The following FBLN1 variants were observed in gnomAD, a reference collection of about 807,000 sequenced individuals.
The protein encoded by FBLN1 is fibulin-1.
Under a neutral mutation model 89.7 loss-of-function variants are expected in FBLN1, and 34 were observed. That is an observed-to-expected ratio of 0.38 (90% CI 0.29 to 0.50). The LOEUF is 0.50. Ranked by LOEUF, FBLN1 falls within the 20% of genes least tolerant of loss-of-function variation. FBLN1 has a pLI of 0.92. For missense variants in FBLN1, 777 were observed against 988.1 expected, an observed-to-expected ratio of 0.79 and a Z score of 2.86; for synonymous variants, 393 against 391.3, an observed-to-expected ratio of 1.00 and a Z score of -0.05.
rs929108 is a variant in FBLN1, at chr22:45,532,325, C to T, written c.545-738C>T. Among the ~76,000 whole-genome samples the T allele has an allele frequency of 0.19, 29,034 of 152,052 alleles. 3,068 individuals are homozygous for T. The highest frequency in any genetic ancestry group is 0.28 in the South Asian group (1,353 of 4,800). ...ATTAGCTGGGAAAATAACCCTGAAACGGTCCTCAGGGAGACCTGAAGCCTT... is the reference window on the plus strand; with the variant it reads ...ATTAGCTGGGAAAATAACCCTGAAATGGTCCTCAGGGAGACCTGAAGCCTT... On this transcript the variant is annotated intron_variant, in intron 5 of 16. Coordinates refer to ENST00000327858, the MANE Select transcript of FBLN1 (RefSeq NM_006486.3). This position sits in a 1 kb window ranked among gnomAD's most constrained non-coding sequence, Gnocchi z 4.2.
At chr22:45,541,613 G>C (rs1018745981) in intron 9 of FBLN1, among the ~76,000 whole-genome samples, 2 of 152,118 alleles carry the variant, frequency 1.3e-5, no homozygotes, top group African/African-American at 4.8e-5. Flanking sequence ...ACCCCACCCT[G>C]TTTACAGTTC....
intron 2 of FBLN1, 31 bp downstream of exon 2, chr22:45,518,818 G>A (rs1413802143): frequency 1.9e-6 from 3 of 1,538,652 alleles, no homozygotes; most frequent in Non-Finnish European, 2.7e-6. Flanking sequence ...TGTTTCACTG[G>A]AACAATGTTC....
intron 14 of FBLN1, among the ~76,000 whole-genome samples, chr22:45,554,600 T>A (rs1427877396): frequency 6.6e-6 from 1 of 152,152 alleles, no homozygotes; most frequent in South Asian, 2.1e-4. Flanking sequence ...GATAAATGCC[T>A]CAAGCAAGTC....
chr22:45,600,435 T>G lies in FBLN1; in HGVS notation c.2101T>G (p.Tyr701Asp). 1 of 1,614,122 alleles carries G rather than the reference T, an allele frequency of 6.2e-7. No individual in the cohort carries two copies. Residue 701 changes from tyrosine to aspartate, a missense_variant, in exon 17 of 17, where the codon TAC becomes GAC. Tyr to Asp is a radical substitution (Grantham distance 160). Coordinates refer to ENST00000327858, the MANE Select transcript of FBLN1 (RefSeq NM_006486.3). ...CAACGTCCACATCTTCGTCTCTGAG[T>G]ACTGGTTCTGAGGGCTGGTCTGCCG... The part of the protein sequence containing the change: ...VVNVHIFVSE[Y>D]WF
At position 45,527,831 on chromosome 22, in the gene FBLN1, C is replaced by T. The variant is rs1452296525; in HGVS notation, c.322-16C>T. ...CTGCCCGCTCCTCCATCTGGGATCTCCACCTGTGTTTGCAGAGGTGCTGCC... is the reference window on the plus strand; with the variant it reads ...CTGCCCGCTCCTCCATCTGGGATCTTCACCTGTGTTTGCAGAGGTGCTGCC... On this transcript the variant is annotated splice_polypyrimidine_tract_variant and intron_variant, in intron 3 of 16. Coordinates refer to ENST00000327858, the MANE Select transcript of FBLN1 (RefSeq NM_006486.3). The T allele has an allele frequency of 1.2e-6, 2 of 1,613,256 alleles. No individual in the cohort carries two copies. The highest frequency in any genetic ancestry group is 2.7e-5 in the African/African-American group (2 of 74,894).
Position 45,550,399 on chromosome 22 carries a change from C to G in FBLN1, c.1574-93C>G. On this transcript the variant is annotated intron_variant, in intron 13 of 16. Transcript: ENST00000327858. The surrounding 1 kb of genome is among the most constrained non-coding windows in gnomAD (Gnocchi z 8.4). ...GATGGCCTGATCGCCACCCCTAACC[C>G]TAGTTGATGGGAGGCCTGGGCTCCT... 6.3e-7 allele frequency: 1 copy of G among 1,588,266 alleles called. No individual in the cohort carries two copies. The highest frequency in any genetic ancestry group is 2.2e-5 in the East Asian group (1 of 44,746).
At position 45,569,642 on chromosome 22, in the gene FBLN1, A is replaced by AAAGAAGAAGAAGAAGAAG. The variant is rs56907104; in HGVS notation, c.1698-4846_1698-4829dup. ...TGACAGGGCAAGACTCTGTCTCAAA[A>AAAGAAGAAGAAGAAGAAG]AAGAAGAAGAAGAAGAAGAAGAAGA... On this transcript the variant is annotated intron_variant, in intron 14 of 16. Transcript: ENST00000327858. 4.3e-4 allele frequency among the ~76,000 whole-genome samples: 65 copies of AAAGAAGAAGAAGAAGAAG among 149,858 alleles called. No homozygotes were observed. The Middle Eastern group carries it at 0.01, about 24-fold the overall frequency.
intron 1 of FBLN1, among the ~76,000 whole-genome samples, chr22:45,503,974 C>T (rs1263067653): frequency 6.6e-6 from 1 of 152,142 alleles, no homozygotes; most frequent in Non-Finnish European, 1.5e-5. Flanking sequence ...GAGCTATGAC[C>T]TGTGACCTCT....
chr22:45,539,694 G>C (rs572027969), intron 8 of FBLN1, among the ~76,000 whole-genome samples: 4 of 152,370 alleles, frequency 2.6e-5, no homozygotes, highest in Admixed American at 2.6e-4. Context: ...GAGAGGGAGA[G>C]ATCGGGTGCC....
intron 16 of FBLN1, among the ~76,000 whole-genome samples, chr22:45,585,293 T>TC (rs2146656354): frequency 6.6e-6 from 1 of 152,270 alleles, no homozygotes; most frequent in South Asian, 2.1e-4. Context: ...GCTGTACCTC[T>TC]CCCCCTGGCC....
intron 2 of FBLN1, among the ~76,000 whole-genome samples, chr22:45,521,169 C>T (rs959580650): frequency 2.0e-5 from 3 of 151,900 alleles, no homozygotes; most frequent in Non-Finnish European, 4.4e-5. Context: ...AACACATTGC[C>T]TTCTTAGAAA....
chr22:45,548,620 C>T lies in FBLN1; in HGVS notation c.1449C>T (p.Asp483=), dbSNP rs553677396. Residue 483 remains aspartate, a synonymous_variant, in exon 13 of 17, where the codon GAC becomes GAT. Coordinates refer to ENST00000327858, the MANE Select transcript of FBLN1 (RefSeq NM_006486.3). ...DVDGVTCEDI[D]ECALPTGGHI... ...TGGGCTTTGCCGTTGCAGACATCGACGAGTGCGCCCTGCCCACCGGGGGCC... is the reference window on the plus strand; with the variant it reads ...TGGGCTTTGCCGTTGCAGACATCGATGAGTGCGCCCTGCCCACCGGGGGCC... 42 of 1,613,650 alleles carry T rather than the reference C, an allele frequency of 2.6e-5. No homozygotes were observed. The highest frequency in any genetic ancestry group is 5.0e-5 in the Admixed American group (3 of 60,022).
Position 45,527,852 on chromosome 22 carries a change from C to T in FBLN1, c.327C>T (p.Cys109=), listed in dbSNP as rs368721850. Residue 109 remains cysteine, a synonymous_variant, in exon 4 of 17, where the codon TGC becomes TGT. Transcript: ENST00000327858. ...ATCTCCACCTGTGTTTGCAGAGGTG[C>T]TGCCATTGCTGTCTGCTGGGGAGGG... ...ASLEATFVKR[C]CHCCLLGRAA... is the part of the protein sequence containing the mutation. 5.7e-5 allele frequency: 92 copies of T among 1,613,846 alleles called. No homozygotes were observed. The highest frequency in any genetic ancestry group is 7.5e-5 in the Non-Finnish European group (89 of 1,180,030).
intron 16 of FBLN1, among the ~76,000 whole-genome samples, chr22:45,587,035 C>G (rs1334171593): frequency 1.3e-5 from 2 of 152,178 alleles, no homozygotes; most frequent in Non-Finnish European, 2.9e-5. Flanking sequence ...GGCTGCTTCT[C>G]AGACCTGCGG....
chr22:45,548,367 T>C (rs1440121203), intron 12 of FBLN1, among the ~76,000 whole-genome samples: 1 of 152,334 alleles, frequency 6.6e-6, no homozygotes, highest in East Asian at 1.9e-4. Flanking sequence ...TTTCTTATTA[T>C]TGAACTGTGG....
chr22:45,533,405 C>G (rs1319570050), intron 6 of FBLN1, among the ~76,000 whole-genome samples: 1 of 152,158 alleles, frequency 6.6e-6, no homozygotes, highest in Admixed American at 6.5e-5. Context: ...GGGGTCTAAC[C>G]AGGTTCCGGA....
intron 3 of FBLN1, among the ~76,000 whole-genome samples, chr22:45,527,326 A>G (rs1300999496): frequency 6.6e-6 from 1 of 152,192 alleles, no homozygotes; most frequent in East Asian, 1.9e-4. Context: ...ACCTTGCTTG[A>G]TGACTCGTCT....
Position 45,583,143 on chromosome 22 carries a change from G to A in FBLN1, c.1972+6035G>A, listed in dbSNP as rs1165823422. On this transcript the variant is annotated intron_variant, in intron 16 of 16. Coordinates refer to ENST00000327858, the MANE Select transcript of FBLN1 (RefSeq NM_006486.3). The surrounding 1 kb of genome is among the most constrained non-coding windows in gnomAD (Gnocchi z 4.5). ...ATGTAAGAAAAAAAAGGAAGTGCTGGCCCAGGGTCCCACAGCCAGCAAGTT... is the reference window on the plus strand; with the variant it reads ...ATGTAAGAAAAAAAAGGAAGTGCTGACCCAGGGTCCCACAGCCAGCAAGTT... 2.0e-5 allele frequency among the ~76,000 whole-genome samples: 3 copies of A among 152,154 alleles called. No individual in the cohort carries two copies. The highest frequency in any genetic ancestry group is 4.1e-4 in the South Asian group (2 of 4,836).
In FBLN1 at chr22:45,548,727, A is replaced by G. The variant is rs765971824; in HGVS notation, c.1556A>G (p.Asn519Ser). Reference protein sequence around the residue: ...CPSSGYRLAPNGRNCQDIDEC... With the variant: ...CPSSGYRLAPSGRNCQDIDEC... Reference sequence around the variant, plus strand: ...TCGTCTGGCTACAGGCTGGCCCCCAATGGCCGCAACTGCCAAGGTGAGCAG... The same window carrying G: ...TCGTCTGGCTACAGGCTGGCCCCCAGTGGCCGCAACTGCCAAGGTGAGCAG... The change falls in exon 13 of 17, where the codon AAT (asparagine) becomes AGT (serine). Residue 519 changes from asparagine (N) to serine (S), a missense_variant. By Grantham distance (46) the Asn-to-Ser change is conservative (BLOSUM62 1). Coordinates refer to ENST00000327858, the MANE Select transcript of FBLN1 (RefSeq NM_006486.3). The G allele has an allele frequency of 2.4e-5, 38 of 1,613,130 alleles. No individual in the cohort carries two copies. The highest frequency in any genetic ancestry group is 3.4e-4 in the Middle Eastern group (2 of 5,882).
Sources: gnomAD v4.1 joint callset for allele counts (sites outside exome capture counted in the v4.1 genomes callset) on GRCh38, gnomAD v4.1.1 for gene constraint, Gnocchi (gnomAD v3.1) non-coding constraint, MANE v1.5 for transcripts, NCBI Gene and HGNC (gene_info 2026-07-23, HGNC 2026-07-21) for gene names.